The following SETDB2 variants were observed in gnomAD, a reference collection of about 807,000 sequenced individuals.
SETDB2 encodes the protein SET domain bifurcated histone lysine methyltransferase 2.
In SETDB2, 56 loss-of-function variants were observed where a neutral mutation model predicts 82.5. The ratio of observed to expected loss-of-function variants is 0.68; its 90% CI spans 0.55 to 0.85. The LOEUF (loss-of-function observed/expected upper bound fraction) is 0.85. SETDB2 is among the 40% of genes least tolerant of loss of function. The pLI is 0.00. For missense variants in SETDB2, 677 were observed against 816.4 expected, an observed-to-expected ratio of 0.83 and a Z score of 2.08; for synonymous variants, 272 against 284.9, an observed-to-expected ratio of 0.95 and a Z score of 0.46.
At chr13:49,465,208 C>T (rs928046904) in intron 4 of SETDB2, among the ~76,000 whole-genome samples, 5 of 152,228 alleles carry the variant, frequency 3.3e-5, no homozygotes, top group South Asian at 2.1e-4. Flanking sequence ...GTCATCAAAC[C>T]GCTAATTATG....
chr13:49,464,785 A>G (rs539972683), intron 4 of SETDB2, among the ~76,000 whole-genome samples: 98 of 152,196 alleles, frequency 6.4e-4, no homozygotes, highest in African/African-American at 1.9e-3. Context: ...ATGTGGGCTG[A>G]ATACAGTGGC....
At position 49,451,805 on chromosome 13, in the gene SETDB2, C is replaced by G; in HGVS notation, c.-89C>G. ...TGAGGACTGCAAATTTTATAGAGAC[C>G]ACAGTTGGATTCCAGTGATATTCTG... is the stretch of plus-strand genomic sequence containing the variant. On this transcript the variant is annotated 5_prime_UTR_variant, in exon 2 of 14. Transcript: ENST00000611815. The G allele has an allele frequency of 9.8e-7, 1 of 1,019,880 alleles. No homozygotes were observed. The highest frequency in any genetic ancestry group is 1.5e-6 in the Non-Finnish European group (1 of 679,062). 63.2% of individuals were successfully genotyped at this position (1,019,880 alleles called of 1,614,324 possible).
At chr13:49,485,376 T>C (rs1375543543) in intron 10 of SETDB2, among the ~76,000 whole-genome samples, 1 of 152,234 alleles carries the variant, frequency 6.6e-6, no homozygotes, top group African/African-American at 2.4e-5. Flanking sequence ...ATTAAGATTT[T>C]AATTCCCAAA....
At chr13:49,446,310 T>C (rs1957685588) in intron 1 of SETDB2, 3 of 452,394 alleles carry the variant, frequency 6.6e-6, no homozygotes, top group South Asian at 3.1e-5. Flanking sequence ...GTTATACTTA[T>C]AAAAACAGTT....
intron 5 of SETDB2, among the ~76,000 whole-genome samples, chr13:49,475,596 C>T (rs781615517): frequency 8.6e-5 from 13 of 151,810 alleles, no homozygotes; most frequent in South Asian, 2.1e-4. Context: ...AAGTGATCAT[C>T]CCACCTCAGC....
chr13:49,450,328 T>G (rs907700274), intron 1 of SETDB2, among the ~76,000 whole-genome samples: 4 of 152,208 alleles, frequency 2.6e-5, no homozygotes, highest in Admixed American at 2.0e-4. Flanking sequence ...CAACTCAGTC[T>G]TCCAGCTTAC....
intron 4 of SETDB2, among the ~76,000 whole-genome samples, chr13:49,466,622 C>G (rs755167232): frequency 2.0e-5 from 3 of 152,006 alleles, no homozygotes; most frequent in Non-Finnish European, 4.4e-5. Flanking sequence ...TTTTACATAG[C>G]TCTCTTCAAC....
intron 4 of SETDB2, among the ~76,000 whole-genome samples, chr13:49,461,507 C>A (rs1957991821): frequency 1.3e-5 from 2 of 152,158 alleles, no homozygotes; most frequent in Non-Finnish European, 2.9e-5. Context: ...AAGATATATT[C>A]TTGTATAGAT....
chr13:49,489,676 G>A (rs1166777643), intron 12 of SETDB2, among the ~76,000 whole-genome samples: 4 of 140,348 alleles, frequency 2.9e-5, no homozygotes, highest in Admixed American at 1.5e-4. Flanking sequence ...GGCCCACTGC[G>A]ATCTCCGCCT....
At chr13:49,463,968 G>A (rs1958050234) in intron 4 of SETDB2, 2 of 714,680 alleles carry the variant, frequency 2.8e-6, no homozygotes, top group Non-Finnish European at 5.2e-6. Flanking sequence ...ATACAGGAAA[G>A]CTTATTTCTC....
intron 6 of SETDB2, among the ~76,000 whole-genome samples, chr13:49,478,429 G>A (rs774194826): frequency 2.0e-5 from 3 of 152,162 alleles, no homozygotes; most frequent in Non-Finnish European, 2.9e-5. Flanking sequence ...GAGCCAAAGC[G>A]TTGGAGAAAG....
At chr13:49,491,578 T>C (rs1594187834) in intron 13 of SETDB2, among the ~76,000 whole-genome samples, 154 bp from the exon 14 acceptor site, 1 of 152,260 alleles carries the variant, frequency 6.6e-6, no homozygotes, top group Non-Finnish European at 1.5e-5. Context: ...ATGGTTATTC[T>C]TAATAAAAGG....
intron 9 of SETDB2, 127 bp from the exon 10 acceptor site, chr13:49,483,337 A>G: frequency 2.3e-6 from 1 of 432,570 alleles, no homozygotes. Flanking sequence ...ATAAACATAG[A>G]TGTTCTTACT....
intron 2 of SETDB2, among the ~76,000 whole-genome samples, chr13:49,458,946 A>G (rs981411192): frequency 6.6e-6 from 1 of 152,252 alleles, no homozygotes; most frequent in Non-Finnish European, 1.5e-5. Flanking sequence ...AGCATGGCAC[A>G]TAGGGCCTTC....
At chr13:49,479,469 C>T (rs1158893174) in intron 6 of SETDB2, among the ~76,000 whole-genome samples, 5 of 152,138 alleles carry the variant, frequency 3.3e-5, no homozygotes, top group African/African-American at 1.2e-4. Flanking sequence ...TTTTCTCTTG[C>T]AAACAGCAGC....
rs745508872 is a variant in SETDB2 at position 49,483,609 on chromosome 13, A to ATTTT, written c.1482+80_1482+83dup. ...TTGGGACCCTTCTTTTCTTTTTTAA[A>ATTTT]TTTTTTTTTTTTTTTTTTTTTTTTT... On this transcript the variant is annotated intron_variant, in intron 10 of 13. Coordinates refer to ENST00000611815, the MANE Select transcript of SETDB2 (RefSeq NM_001160308.3). 60 of 220,530 alleles carry ATTTT rather than the reference A, an allele frequency of 2.7e-4. 1 individual carries two copies. The highest frequency in any genetic ancestry group is 4.9e-4 in the East Asian group (3 of 6,078). The allele number at this position is 220,530 out of a possible 1,614,324, so 13.7% of individuals were successfully genotyped here. A position where few individuals can be genotyped will look rare whatever the true frequency, so the allele number is the denominator to read the frequency against.
At chr13:49,460,299 T>C in intron 3 of SETDB2, 67 bp downstream of exon 3, 1 of 1,478,186 alleles carries the variant, frequency 6.8e-7, no homozygotes, top group South Asian at 1.3e-5. Context: ...TACAGTATCA[T>C]TCTATTTCCA....
chr13:49,483,608 AATTTTTTTTTTTT>A (rs1566173949), intron 10 of SETDB2, 45 bp downstream of exon 10: 8 of 490,644 alleles, frequency 1.6e-5, no homozygotes, highest in Admixed American at 4.9e-5. Flanking sequence ...TTCTTTTTTA[AATTTTTTTTTTTT>A]TTTTTTTTTT....
chr13:49,489,903 T>TCC (rs1566177777), intron 12 of SETDB2, among the ~76,000 whole-genome samples: 13 of 24,840 alleles, frequency 5.2e-4, no homozygotes, highest in African/African-American at 9.7e-4. Context: ...GCCTTATTTC[T>TCC]CCCGCCCCCC....
Sources: allele counts gnomAD v4.1 joint callset (sites outside exome capture counted in the v4.1 genomes callset), GRCh38; gene constraint gnomAD v4.1.1; transcripts MANE v1.5; gene names NCBI Gene and HGNC (gene_info 2026-07-23, HGNC 2026-07-21).